The following DNAJC2 variants were observed in gnomAD, a reference collection of about 807,000 sequenced individuals.
DNAJC2 encodes DnaJ heat shock protein family (Hsp40) member C2.
DNAJC2 carries 32 observed loss-of-function variants against 94.0 expected under a neutral mutation model. That is an observed-to-expected ratio of 0.34 (90% CI 0.26 to 0.46). The LOEUF (loss-of-function observed/expected upper bound fraction) is 0.46, where lower values mean the gene tolerates loss of function less well. DNAJC2 is among the 20% of genes least tolerant of loss of function. The pLI, the probability that DNAJC2 is intolerant of heterozygous loss-of-function variation, is 1.00. For synonymous variants in DNAJC2, 210 were observed against 229.7 expected, an observed-to-expected ratio of 0.91 and a Z score of 0.77; for missense variants, 550 against 719.5, an observed-to-expected ratio of 0.76 and a Z score of 2.69.
At position 103,312,513 on chromosome 7, in the gene DNAJC2, A is replaced by C. The variant is rs1040051024; in HGVS notation, c.*56T>G. ...TACCATGAGTATAATTTTAAGAATGAAAATGTTTACAGTATTTTCAGTTTT... is the reference window on the plus strand; with the variant it reads ...TACCATGAGTATAATTTTAAGAATGCAAATGTTTACAGTATTTTCAGTTTT... On this transcript the variant is annotated 3_prime_UTR_variant, in exon 17 of 17. Coordinates refer to ENST00000379263, the MANE Select transcript of DNAJC2 (RefSeq NM_014377.3). 42 of 1,584,296 alleles carry C rather than the reference A, an allele frequency of 2.7e-5. No homozygotes were observed. The highest frequency in any genetic ancestry group is 3.4e-5 in the Non-Finnish European group (40 of 1,169,632).
intron 3 of DNAJC2, among the ~76,000 whole-genome samples, chr7:103,331,536 A>AG (rs1426447168): frequency 6.6e-6 from 1 of 151,960 alleles, no homozygotes; most frequent in Non-Finnish European, 1.5e-5. Flanking sequence ...AGCCTCTGGT[A>AG]TCTATCATTC....
intron 15 of DNAJC2, chr7:103,314,247 C>A (rs1456282350): frequency 1.4e-5 from 14 of 985,252 alleles, no homozygotes; most frequent in African/African-American, 1.7e-5. Flanking sequence ...GGCAGTATTT[C>A]CTGCTGTTCT....
chr7:103,318,979 A>G (rs960004139), intron 12 of DNAJC2, among the ~76,000 whole-genome samples: 4 of 152,188 alleles, frequency 2.6e-5, no homozygotes, highest in Non-Finnish European at 5.9e-5. Context: ...TGGGAGGCCA[A>G]TGCGGACGGA....
chr7:103,313,581 A>C (rs1056378508), intron 15 of DNAJC2: 4 of 981,732 alleles, frequency 4.1e-6, no homozygotes, highest in Non-Finnish European at 3.6e-6. Context: ...AAACAAACCT[A>C]GCAAAATTAA....
intron 10 of DNAJC2, 94 bp from the exon 11 acceptor site, chr7:103,319,938 G>A (rs1282324183): frequency 2.9e-6 from 4 of 1,376,262 alleles, no homozygotes; most frequent in Non-Finnish European, 2.0e-6. Flanking sequence ...GGGAGGCTGA[G>A]GCAGGAGAAT....
Position 103,327,698 on chromosome 7 carries a change from T to G in DNAJC2, c.388A>C (p.Ile130Leu). Reference sequence around the variant, plus strand: ...AAGTAGTCATTATCTCCTTCTTTTATTGGTTCACCAGCTGCTTTCCGTTTG... The same window carrying G: ...AAGTAGTCATTATCTCCTTCTTTTAGTGGTTCACCAGCTGCTTTCCGTTTG... ...PDKRKAAGEPIKEGDNDYFTC... is the reference protein window; with the variant it reads ...PDKRKAAGEPLKEGDNDYFTC... The change falls in exon 4 of 17, where the codon ATA becomes CTA. Residue 130 changes from isoleucine (I) to leucine (L), a missense_variant. Coordinates refer to ENST00000379263, the MANE Select transcript of DNAJC2 (RefSeq NM_014377.3). The G allele has an allele frequency of 6.2e-7, 1 of 1,613,598 alleles. No individual in the cohort carries two copies. The highest frequency in any genetic ancestry group is 8.5e-7 in the Non-Finnish European group (1 of 1,179,748).
At chr7:103,341,996 G>A in intron 1 of DNAJC2, 42 bp from the exon 2 acceptor site, 1 of 1,389,644 alleles carries the variant, frequency 7.2e-7, no homozygotes, top group Non-Finnish European at 9.6e-7. Context: ...TGTATCGCAT[G>A]GAATAAATAT....
chr7:103,315,797 C>T lies in DNAJC2; in HGVS notation c.1603G>A (p.Ala535Thr). 1 of 1,613,760 alleles carries T rather than the reference C, an allele frequency of 6.2e-7. No homozygotes were observed. The highest frequency in any genetic ancestry group is 8.5e-7 in the Non-Finnish European group (1 of 1,179,844). Residue 535 changes from alanine to threonine, a missense_variant, in exon 15 of 17, where the codon GCA becomes ACA. By Grantham distance (58) the Ala-to-Thr change is moderately conservative. Transcript: ENST00000379263. ...CGTTCTGAAGGCGTTGCGTTGTCTG[C>T]TTGAGGTACCACTCCATGTTCTTTT... ...FKKEHGVVPQ[A>T]DNATPSERFE...
chr7:103,333,918 G>A (rs949653796), intron 3 of DNAJC2, among the ~76,000 whole-genome samples: 3 of 150,370 alleles, frequency 2.0e-5, no homozygotes, highest in Non-Finnish European at 3.0e-5. Context: ...GTGATTTCCA[G>A]TTTCTGGACA....
chr7:103,336,055 T>C (rs1819161648), intron 3 of DNAJC2: 1 of 152,252 alleles, frequency 6.6e-6, no homozygotes, highest in African/African-American at 2.4e-5. Context: ...TAATCCCAGC[T>C]ACTCAAGAGG....
chr7:103,322,414 G>A (rs1174641654), intron 9 of DNAJC2, 97 bp downstream of exon 9: 19 of 1,227,828 alleles, frequency 1.5e-5, no homozygotes, highest in Admixed American at 8.4e-5. Context: ...CTCTGCTTTC[G>A]AATTATAGTT....
intron 5 of DNAJC2, 151 bp from the exon 6 acceptor site, chr7:103,324,713 G>C: frequency 1.4e-6 from 1 of 727,038 alleles, no homozygotes; most frequent in South Asian, 2.8e-5. Context: ...GGAGCTGGAA[G>C]GTCAGCAGTG....
In DNAJC2 at chr7:103,337,788, A is replaced by G; in HGVS notation, c.279T>C (p.Leu93=). The change falls in exon 3 of 17, where the codon CTT becomes CTC. Residue 93 remains leucine, a synonymous_variant. Coordinates refer to ENST00000379263, the MANE Select transcript of DNAJC2 (RefSeq NM_014377.3). ...CCTTGTATCTCACATGGCCAAGTCCAAGAACTGCATAATGATCTTGGTTCT... is the reference window on the plus strand; with the variant it reads ...CCTTGTATCTCACATGGCCAAGTCCGAGAACTGCATAATGATCTTGGTTCT... ...DWKNQDHYAV[L]GLGHVRYKAT... 1 of 1,613,858 alleles carries G rather than the reference A, an allele frequency of 6.2e-7. No individual in the cohort carries two copies. Among genetic ancestry groups the G allele is most frequent in the African/African-American group, 1.3e-5 (1 of 75,036 alleles).
chr7:103,316,118 ATAG>A lies in DNAJC2; in HGVS notation c.1428-33_1428-31del, dbSNP rs768003668. 5.8e-5 allele frequency: 79 copies of A among 1,373,192 alleles called. No homozygotes were observed. The South Asian group carries it at 8.6e-4, about 15-fold the overall frequency. The allele number at this position is 1,373,192 out of a possible 1,614,324, so 85.1% of individuals were successfully genotyped here. A position where few individuals can be genotyped will look rare whatever the true frequency, so the allele number is the denominator to read the frequency against. On this transcript the variant is annotated intron_variant, in intron 13 of 16. Coordinates refer to ENST00000379263, the MANE Select transcript of DNAJC2 (RefSeq NM_014377.3). ...TAGGATATATTATACAATAATATGA[ATAG>A]TAGTAAGGAAAAACAAAATGAAACG...
At position 103,313,107 on chromosome 7, in the gene DNAJC2, T is replaced by G. The variant is rs1817848789; in HGVS notation, c.1637-6A>C. Reference sequence around the variant, plus strand: ...GGTGAAGTCTGTATATGGACCTGATTAAGAAAAATTTTTATTTGAAAACTG... The same window carrying G: ...GGTGAAGTCTGTATATGGACCTGATGAAGAAAAATTTTTATTTGAAAACTG... On this transcript the variant is annotated splice_polypyrimidine_tract_variant and splice_region_variant and intron_variant, in intron 15 of 16. Coordinates refer to ENST00000379263, the MANE Select transcript of DNAJC2 (RefSeq NM_014377.3). 1 of 1,593,606 alleles carries G rather than the reference T, an allele frequency of 6.3e-7. No individual in the cohort carries two copies. Among genetic ancestry groups the G allele is most frequent in the Admixed American group, 1.9e-5 (1 of 53,884 alleles).
chr7:103,316,075 C>A lies in DNAJC2; in HGVS notation c.1441G>T (p.Ala481Ser). 2 of 1,578,374 alleles carry A rather than the reference C, an allele frequency of 1.3e-6. No individual in the cohort carries two copies. Among genetic ancestry groups the A allele is most frequent in the Non-Finnish European group, 1.7e-6 (2 of 1,161,196 alleles). Reference sequence around the variant, plus strand: ...GAAGAATGTATGTTCATGTAATTAGCAATAACTTCCCATCTGATAGGATAT... The same window carrying A: ...GAAGAATGTATGTTCATGTAATTAGAAATAACTTCCCATCTGATAGGATAT... Reference protein sequence around the residue: ...AGTNSRWEVIANYMNIHSSSG... With the variant: ...AGTNSRWEVISNYMNIHSSSG... The change falls in exon 14 of 17, where the codon GCT becomes TCT. Residue 481 changes from alanine to serine, a missense_variant. Ala to Ser is a moderately conservative substitution (Grantham distance 99). Transcript: ENST00000379263.
intron 3 of DNAJC2, among the ~76,000 whole-genome samples, chr7:103,328,448 T>C (rs1818821636): frequency 6.6e-6 from 1 of 151,876 alleles, no homozygotes; most frequent in East Asian, 2.0e-4. Flanking sequence ...CTGGCCAATA[T>C]GGCAAAACCT....
intron 4 of DNAJC2, chr7:103,327,284 G>C (rs1406750950): frequency 3.6e-5 from 31 of 849,664 alleles, no homozygotes; most frequent in Non-Finnish European, 4.4e-5. Flanking sequence ...CATCTGAAAC[G>C]AAAAAAAAAA....
At chr7:103,334,927 A>G (rs1586107580) in intron 3 of DNAJC2, among the ~76,000 whole-genome samples, 1 of 152,092 alleles carries the variant, frequency 6.6e-6, no homozygotes, top group African/African-American at 2.4e-5. Context: ...TCTGCCTCCC[A>G]GTTTCAAGCG....
Sources: allele counts gnomAD v4.1 joint callset (sites outside exome capture counted in the v4.1 genomes callset), GRCh38; gene constraint gnomAD v4.1.1; transcripts MANE v1.5; gene names NCBI Gene and HGNC (gene_info 2026-07-23, HGNC 2026-07-21).